SLC17A9: variants seen among roughly 807,000 people sequenced by gnomAD.
SLC17A9 encodes solute carrier family 17 member 9, also known as voltage-gated purine nucleotide uniporter SLC17A9.
A neutral mutation model predicts 55.0 loss-of-function variants in SLC17A9; 49 were observed. The ratio of observed to expected loss-of-function variants is 0.89; its 90% CI spans 0.71 to 1.13. The LOEUF (loss-of-function observed/expected upper bound fraction) is 1.13, where lower values mean the gene tolerates loss of function less well. Among genes scored for constraint, SLC17A9 ranks in the 50% most tolerant of loss-of-function variants. SLC17A9 has a pLI of 0.00. For missense variants in SLC17A9, 526 were observed against 569.3 expected, an observed-to-expected ratio of 0.92 and a Z score of 0.77; for synonymous variants, 256 against 247.4, an observed-to-expected ratio of 1.03 and a Z score of -0.32.
chr20:62,957,588 G>C lies in SLC17A9; in HGVS notation c.397+8G>C. On this transcript the variant is annotated splice_region_variant and intron_variant, in intron 3 of 12. Transcript: ENST00000370351. ...TCATGGGCTTGCTCCAAGGTAAGGGGAGCTCAGGCGGCTCCCTCACGCTCT... is the reference window on the plus strand; with the variant it reads ...TCATGGGCTTGCTCCAAGGTAAGGGCAGCTCAGGCGGCTCCCTCACGCTCT... 1 of 1,531,540 alleles carries C rather than the reference G, an allele frequency of 6.5e-7. No homozygotes were observed. The highest frequency in any genetic ancestry group is 8.8e-7 in the Non-Finnish European group (1 of 1,140,312). The allele number at this position is 1,531,540 out of a possible 1,614,324, so 94.9% of individuals were successfully genotyped here.
rs756267738 is a variant in SLC17A9, at chr20:62,957,451, G to A, written c.268G>A (p.Glu90Lys). The change falls in exon 3 of 13, where the codon GAG (glutamate) becomes AAG (lysine). Residue 90 changes from glutamate to lysine, a missense_variant. Transcript: ENST00000370351. ...GGHLGDRIGG[E>K]KVILLSASAW... Reference sequence around the variant, plus strand: ...CTGTCTTCCCTCCAGGATTGGGGGTGAGAAGGTCATCCTGCTGTCAGCCTC... The same window carrying A: ...CTGTCTTCCCTCCAGGATTGGGGGTAAGAAGGTCATCCTGCTGTCAGCCTC... The A allele has an allele frequency of 6.9e-6, 11 of 1,591,150 alleles. No individual in the cohort carries two copies. In the Admixed American group the frequency reaches 1.2e-4, roughly 18 times the overall value.
intron 1 of SLC17A9, 31 bp downstream of exon 1, chr20:62,952,920 G>GGGC: frequency 2.7e-6 from 1 of 370,426 alleles, no homozygotes; most frequent in Non-Finnish European, 5.3e-6. Flanking sequence ...GGGGGGGTGG[G>GGGC]AGCGGTGGAG....
intron 12 of SLC17A9, 195 bp from the exon 13 acceptor site, chr20:62,967,142 T>C: frequency 1.5e-6 from 1 of 646,162 alleles, no homozygotes; most frequent in Non-Finnish European, 2.7e-6. Flanking sequence ...CTGTGAGATC[T>C]CTGCCCCTCC....
intron 10 of SLC17A9, 46 bp from the exon 11 acceptor site, chr20:62,966,479 C>A: frequency 1.3e-6 from 2 of 1,598,760 alleles, no homozygotes; most frequent in Non-Finnish European, 1.7e-6. Flanking sequence ...GGGCCACCAG[C>A]TCGGTGGTGG....
intron 10 of SLC17A9, 116 bp downstream of exon 10, chr20:62,965,841 C>G (rs184442480): frequency 9.5e-6 from 9 of 948,588 alleles, no homozygotes; most frequent in South Asian, 3.0e-5. Flanking sequence ...CACTTCACCC[C>G]CTTCCCAAGC....
chr20:62,962,944 G>C lies in SLC17A9; in HGVS notation c.628+190G>C. Reference sequence around the variant, plus strand: ...CGGCTCCGCCACCCAATTCGATCTGGAAGGTTCCATCTAGGGCTAAGGCAG... The same window carrying C: ...CGGCTCCGCCACCCAATTCGATCTGCAAGGTTCCATCTAGGGCTAAGGCAG... On this transcript the variant is annotated intron_variant, in intron 5 of 12. Transcript: ENST00000370351. This position sits in a 1 kb window ranked among gnomAD's most constrained non-coding sequence, Gnocchi z 5.5. 1 of 824,336 alleles carries C rather than the reference G, an allele frequency of 1.2e-6. No homozygotes were observed. Among genetic ancestry groups the C allele is most frequent in the East Asian group, 2.7e-5 (1 of 36,666 alleles). The allele number at this position is 824,336 out of a possible 1,614,324, so 51.1% of individuals were successfully genotyped here.
chr20:62,964,952 C>G, intron 8 of SLC17A9, 180 bp from the exon 9 acceptor site: 1 of 643,304 alleles, frequency 1.6e-6, no homozygotes, highest in Non-Finnish European at 2.7e-6. Context: ...CATGCGGCCT[C>G]GCGGCTGCAC....
In SLC17A9 at chr20:62,968,551, C is replaced by T. The variant is rs1011903732; in HGVS notation, c.*1051C>T. 23 of 152,214 alleles carry T rather than the reference C, an allele frequency of 1.5e-4. No individual in the cohort carries two copies. Among genetic ancestry groups the T allele is most frequent in the African/African-American group, 4.8e-4 (20 of 41,442 alleles). 9.4% of individuals were successfully genotyped at this position (152,214 alleles called of 1,614,324 possible). The stretch of plus-strand genomic sequence containing the variant: ...AAAAACCTAAAAATGTGGAAAAGCA[C>T]GCCAAAGCCTTATTTAAATAATAAC... On this transcript the variant is annotated 3_prime_UTR_variant, in exon 13 of 13. Transcript: ENST00000370351.
At chr20:62,959,967 G>A (rs2065575222) in intron 3 of SLC17A9, among the ~76,000 whole-genome samples, 1 of 152,230 alleles carries the variant, frequency 6.6e-6, no homozygotes, top group Admixed American at 6.5e-5. Context: ...TGGTCCAAAA[G>A]AAATCCTGGG....
chr20:62,967,039 C>A, intron 12 of SLC17A9: 1 of 576,082 alleles, frequency 1.7e-6, no homozygotes, highest in African/African-American at 1.9e-5. Context: ...GGGGGTCCTT[C>A]TTCAGCTCAG....
chr20:62,962,606 C>G lies in SLC17A9; in HGVS notation c.498-18C>G. The stretch of plus-strand genomic sequence containing the variant: ...GGTGCCGCTGAGGGGCCTGGCCACA[C>G]TCCCCCTGTCTTTGCAGGACGCTGC... On this transcript the variant is annotated intron_variant, in intron 4 of 12. Coordinates refer to ENST00000370351, the MANE Select transcript of SLC17A9 (RefSeq NM_022082.4). This position sits in a 1 kb window ranked among gnomAD's most constrained non-coding sequence, Gnocchi z 5.5. The G allele has an allele frequency of 6.2e-7, 1 of 1,612,820 alleles. No individual in the cohort carries two copies. Among genetic ancestry groups the G allele is most frequent in the Non-Finnish European group, 8.5e-7 (1 of 1,179,286 alleles).
intron 1 of SLC17A9, 136 bp from the exon 2 acceptor site, chr20:62,956,629 G>A: frequency 1.3e-6 from 1 of 774,554 alleles, no homozygotes; most frequent in South Asian, 1.8e-5. Flanking sequence ...TTGAATGCTT[G>A]CCAAGTTGCC....
At chr20:62,960,674 T>C in intron 4 of SLC17A9, 71 bp downstream of exon 4, 1 of 1,441,344 alleles carries the variant, frequency 6.9e-7, no homozygotes. Context: ...GCCCCTGGTC[T>C]GCGTGGGGGA....
At chr20:62,953,126 T>G in intron 1 of SLC17A9, 1 of 1,484,858 alleles carries the variant, frequency 6.7e-7, no homozygotes, top group Non-Finnish European at 9.2e-7. Context: ...TCCCAGCCAG[T>G]GTTCCTGGGG....
rs1225338697 is a variant in SLC17A9 at position 62,958,752 on chromosome 20, A to G, written c.397+1172A>G. Among the ~76,000 whole-genome samples, 1 of 150,578 alleles carries G rather than the reference A, an allele frequency of 6.6e-6. No individual in the cohort carries two copies. Among genetic ancestry groups the G allele is most frequent in the Non-Finnish European group, 1.5e-5 (1 of 67,662 alleles). ...CGTTCTCCTCCCTCTCCACACCCTC[A>G]CTCCCCAAGGTTATGGCCTGGAAGG... On this transcript the variant is annotated intron_variant, in intron 3 of 12. Transcript: ENST00000370351. This position sits in a 1 kb window ranked among gnomAD's most constrained non-coding sequence, Gnocchi z 4.1.
chr20:62,961,534 G>A (rs2065588922), intron 4 of SLC17A9, among the ~76,000 whole-genome samples: 1 of 152,174 alleles, frequency 6.6e-6, no homozygotes, highest in Non-Finnish European at 1.5e-5. Context: ...TAGCAGGGTG[G>A]ATTGGTGCAG....
chr20:62,960,711 C>A, intron 4 of SLC17A9, 108 bp downstream of exon 4: 1 of 1,101,438 alleles, frequency 9.1e-7, no homozygotes, highest in Non-Finnish European at 1.3e-6. Flanking sequence ...GCAGGGCCAC[C>A]ATGGTGAGGT....
At position 62,963,589 on chromosome 20, in the gene SLC17A9, CCGT is replaced by C. The variant is rs1257086110; in HGVS notation, c.736_738del (p.Val246del). 6.3e-7 allele frequency: 1 copy of C among 1,592,492 alleles called. No homozygotes were observed. On this transcript the variant is annotated inframe_deletion, in exon 7 of 13. Coordinates refer to ENST00000370351, the MANE Select transcript of SLC17A9 (RefSeq NM_022082.4). ...TCCACCATTGGGCCCCGCAGGGCAGCCGTCGTCTCCCAGCTCTCTGCAGCCTGC... is the reference window on the plus strand; with the variant it reads ...TCCACCATTGGGCCCCGCAGGGCAGCCGTCTCCCAGCTCTCTGCAGCCTGC...
In SLC17A9 at chr20:62,958,826, G is replaced by C. The variant is rs1194859325; in HGVS notation, c.397+1246G>C. ...ACAGAGGAAGGGGGTCTGCCCAGGA[G>C]AGAGGCCACTCTCATGGTCACGGGG... On this transcript the variant is annotated intron_variant, in intron 3 of 12. Transcript: ENST00000370351. This position sits in a 1 kb window ranked among gnomAD's most constrained non-coding sequence, Gnocchi z 4.1. 6.6e-6 allele frequency among the ~76,000 whole-genome samples: 1 copy of C among 152,196 alleles called. No individual in the cohort carries two copies. The highest frequency in any genetic ancestry group is 1.9e-4 in the East Asian group (1 of 5,200).
Sources: gnomAD v4.1 joint callset for allele counts (sites outside exome capture counted in the v4.1 genomes callset) on GRCh38, gnomAD v4.1.1 for gene constraint, Gnocchi (gnomAD v3.1) non-coding constraint, MANE v1.5 for transcripts, NCBI Gene and HGNC (gene_info 2026-07-23, HGNC 2026-07-21) for gene names.